Variants in ZNF540 observed in about 807,000 individuals in gnomAD.
The protein encoded by ZNF540 is zinc finger protein 540.
Under a neutral mutation model 11.8 loss-of-function variants are expected in ZNF540, and 3 were observed. That is an observed-to-expected ratio of 0.25 (90% CI 0.12 to 0.65). ZNF540 has a LOEUF of 0.65. ZNF540 is among the 30% of genes least tolerant of loss of function. ZNF540 has a pLI of 0.83. For synonymous variants in ZNF540, 247 were observed against 259.0 expected (o/e 0.95, Z 0.45); for missense variants, 709 against 793.1 (o/e 0.89, Z 1.27).
At position 37,559,031 on chromosome 19, in the gene ZNF540, A is replaced by G. The variant is rs554012554; in HGVS notation, c.-73+7366A>G. ...GCTAACTTTTGTATTGTTTATAGAA[A>G]TGGGTTTTCACTAACTTGCCAAGGC... On this transcript the variant is annotated intron_variant, in intron 1 of 4. Coordinates refer to the ZNF540 transcript ENST00000592533. Among the ~76,000 whole-genome samples, 8 of 152,002 alleles carry G rather than the reference A, an allele frequency of 5.3e-5. 1 individual carries two copies. In the South Asian group the frequency reaches 1.5e-3, roughly 28 times the overall value.
intron 1 of ZNF540, among the ~76,000 whole-genome samples, chr19:37,589,373 G>T (rs540485832): frequency 6.6e-5 from 10 of 151,442 alleles, no homozygotes; most frequent in Middle Eastern, 3.4e-3. Context: ...GAAAATATGC[G>T]CAACTTAAAT....
chr19:37,589,882 A>AAAAAAG, upstream of ZNF540, among the ~76,000 whole-genome samples: 1 of 149,602 alleles, frequency 6.7e-6, no homozygotes, highest in Non-Finnish European at 1.5e-5. Flanking sequence ...AAAAAAAAAA[A>AAAAAAG]AAAAAGCACA....
chr19:37,557,023 G>A (rs2042667363), intron 1 of ZNF540, among the ~76,000 whole-genome samples: 1 of 152,164 alleles, frequency 6.6e-6, no homozygotes, highest in South Asian at 2.1e-4. Flanking sequence ...ATGGCAGCAG[G>A]CAGCCCATAT....
intron 1 of ZNF540, among the ~76,000 whole-genome samples, chr19:37,556,444 G>A (rs1448896013): frequency 6.6e-6 from 1 of 152,194 alleles, no homozygotes; most frequent in Non-Finnish European, 1.5e-5. Flanking sequence ...CGGGAGTGAT[G>A]AATCTAAGCA....
chr19:37,608,602 A>T (rs1467940170), intron 4 of ZNF540, among the ~76,000 whole-genome samples: 2 of 152,008 alleles, frequency 1.3e-5, no homozygotes, highest in Non-Finnish European at 2.9e-5. Flanking sequence ...TTGGAAGGTG[A>T]ACATGATGTA....
At chr19:37,583,774 G>T (rs1351897994) in intron 1 of ZNF540, 1 of 494,848 alleles carries the variant, frequency 2.0e-6, no homozygotes, top group Non-Finnish European at 3.5e-6. Context: ...TCAAAGAAGG[G>T]AGACACTGAC....
chr19:37,595,582 A>C (rs1165582537), intron 1 of ZNF540: 1 of 152,140 alleles, frequency 6.6e-6, no homozygotes, highest in Non-Finnish European at 1.5e-5. Flanking sequence ...TATGGTGAGA[A>C]TGAGCACGAT....
intron 3 of ZNF540, among the ~76,000 whole-genome samples, chr19:37,600,415 A>G (rs867543073): frequency 6.6e-6 from 1 of 152,162 alleles, no homozygotes; most frequent in Non-Finnish European, 1.5e-5. Flanking sequence ...TTAACTTAGC[A>G]TCTAACTTTA....
intron 1 of ZNF540, chr19:37,556,007 G>C: frequency 1.4e-6 from 1 of 702,004 alleles, no homozygotes; most frequent in Non-Finnish European, 2.6e-6. Context: ...TCCCAGGACA[G>C]AGGTAAAAGT....
intron 4 of ZNF540, among the ~76,000 whole-genome samples, chr19:37,610,676 T>A (rs1254596256): frequency 6.6e-6 from 1 of 152,166 alleles, no homozygotes; most frequent in Admixed American, 6.5e-5. Flanking sequence ...AAGCAAGTCA[T>A]AATAAGAGGG....
At chr19:37,564,970 A>T in intron 1 of ZNF540, 1 of 1,613,826 alleles carries the variant, frequency 6.2e-7, no homozygotes, top group Non-Finnish European at 8.5e-7. Flanking sequence ...TAAGTTGTGT[A>T]GCACGTACAA....
At chr19:37,566,316 T>C (rs1200401001) in intron 1 of ZNF540, 1 of 1,565,586 alleles carries the variant, frequency 6.4e-7, no homozygotes. Context: ...GAAAGCAAAT[T>C]CCTGCTTTTG....
At chr19:37,564,456 G>T in intron 1 of ZNF540, 1 of 618,972 alleles carries the variant, frequency 1.6e-6, no homozygotes, top group Non-Finnish European at 2.5e-6. Context: ...TATTTAAGGG[G>T]TTTCTGAAAT....
At chr19:37,567,560 C>T (rs754568793) in intron 1 of ZNF540, 1 of 152,194 alleles carries the variant, frequency 6.6e-6, no homozygotes, top group Non-Finnish European at 1.5e-5. Context: ...GAACAATGCT[C>T]TAATCTTATT....
intron 1 of ZNF540, chr19:37,583,985 T>A: frequency 6.2e-7 from 1 of 1,611,658 alleles, no homozygotes; most frequent in South Asian, 1.1e-5. Flanking sequence ...TGAGATCAGG[T>A]TGCTGTAGTT....
chr19:37,589,753 C>G (rs1202267035), intron 1 of ZNF540, among the ~76,000 whole-genome samples: 3 of 146,426 alleles, frequency 2.0e-5, no homozygotes, highest in African/African-American at 7.6e-5. Context: ...GTAATCCCAG[C>G]TACTTGGGAG....
At chr19:37,586,530 T>C in intron 1 of ZNF540, 1 of 907,334 alleles carries the variant, frequency 1.1e-6, no homozygotes, top group Admixed American at 2.1e-5. Context: ...TTTGCTACTA[T>C]TACTCGCTAG....
chr19:37,565,532 C>A, intron 1 of ZNF540: 1 of 1,613,742 alleles, frequency 6.2e-7, no homozygotes, highest in Non-Finnish European at 8.5e-7. Context: ...ACTATGAATT[C>A]TCTGATGGTA....
At chr19:37,578,922 G>A (rs1049330797) in intron 1 of ZNF540, among the ~76,000 whole-genome samples, 1 of 152,188 alleles carries the variant, frequency 6.6e-6, no homozygotes, top group Non-Finnish European at 1.5e-5. Flanking sequence ...GCCCTAAACA[G>A]TGAAGTTCGG....
Sources: gnomAD v4.1 joint callset for allele counts (sites outside exome capture counted in the v4.1 genomes callset) on GRCh38, gnomAD v4.1.1 for gene constraint, MANE v1.5 for transcripts, NCBI Gene and HGNC (gene_info 2026-07-23, HGNC 2026-07-21) for gene names.